Variants in ARHGEF28 observed in about 807,000 individuals in gnomAD.
The protein encoded by ARHGEF28 is 190 kDa guanine nucleotide exchange factor.
A neutral mutation model predicts 206.6 loss-of-function variants in ARHGEF28; 152 were observed. The ratio of observed to expected loss-of-function variants is 0.74; its 90% CI spans 0.64 to 0.84. The LOEUF (loss-of-function observed/expected upper bound fraction) is 0.84. Ranked by LOEUF, ARHGEF28 falls within the 40% of genes least tolerant of loss-of-function variation. The pLI is 0.00. For missense variants in ARHGEF28, 2,028 were observed against 2,073.2 expected, an observed-to-expected ratio of 0.98 and a Z score of 0.42; for synonymous variants, 763 against 776.4, an observed-to-expected ratio of 0.98 and a Z score of 0.29.
chr5:73,745,332 T>C (rs768185909), intron 2 of ARHGEF28, among the ~76,000 whole-genome samples: 59 of 152,174 alleles, frequency 3.9e-4, no homozygotes, highest in Non-Finnish European at 5.2e-4. Context: ...AAAAAATCTT[T>C]AGAACATGCA....
At chr5:73,833,273 T>A (rs960366813) in intron 10 of ARHGEF28, among the ~76,000 whole-genome samples, 1 of 152,230 alleles carries the variant, frequency 6.6e-6, no homozygotes, top group Non-Finnish European at 1.5e-5. Context: ...ATCTACTCAC[T>A]GAGCAGTAAG....
chr5:73,746,769 C>T (rs1580560561), intron 2 of ARHGEF28, among the ~76,000 whole-genome samples: 1 of 152,078 alleles, frequency 6.6e-6, no homozygotes, highest in East Asian at 1.9e-4. Flanking sequence ...ACATAATTTC[C>T]ATGGGTCCAT....
intron 14 of ARHGEF28, among the ~76,000 whole-genome samples, chr5:73,855,743 AAAAGTT>A (rs1318587913): frequency 1.3e-5 from 2 of 152,296 alleles, no homozygotes; most frequent in Non-Finnish European, 2.9e-5. Context: ...AAAAAAAAAA[AAAAGTT>A]AAAGTGTCGT....
At chr5:73,875,793 A>G (rs1440134378) in intron 22 of ARHGEF28, among the ~76,000 whole-genome samples, 2 of 152,116 alleles carry the variant, frequency 1.3e-5, no homozygotes, top group Non-Finnish European at 2.9e-5. Context: ...CTGTTTTGGT[A>G]CCAGTACCAT....
At chr5:73,731,818 A>T (rs1650392461) in intron 2 of ARHGEF28, among the ~76,000 whole-genome samples, 1 of 152,136 alleles carries the variant, frequency 6.6e-6, no homozygotes, top group South Asian at 2.1e-4. Flanking sequence ...TTTATTATGT[A>T]AACAGTTATT....
Position 73,887,637 on chromosome 5 carries a change from C to T in ARHGEF28, c.3345C>T (p.Leu1115=). Residue 1115 remains leucine, a synonymous_variant, in exon 26 of 36, where the codon CTC becomes CTT. Coordinates refer to ENST00000513042, the MANE Select transcript of ARHGEF28 (RefSeq NM_001177693.2). The part of the protein sequence containing the change: ...ILALLLTDVL[L]FLQEKDQKYI... ...CTCTACTTCTAACTGATGTGCTGCTCTTTTTACAAGAAAAAGACCAGAAAT... is the reference window on the plus strand; with the variant it reads ...CTCTACTTCTAACTGATGTGCTGCTTTTTTTACAAGAAAAAGACCAGAAAT... 1 of 1,573,852 alleles carries T rather than the reference C, an allele frequency of 6.4e-7. No individual in the cohort carries two copies. Among genetic ancestry groups the T allele is most frequent in the Non-Finnish European group, 8.6e-7 (1 of 1,158,068 alleles).
chr5:73,774,325 T>C (rs1230745042), intron 5 of ARHGEF28, among the ~76,000 whole-genome samples: 1 of 152,244 alleles, frequency 6.6e-6, no homozygotes, highest in African/African-American at 2.4e-5. Flanking sequence ...CAACCCCTTC[T>C]GTGTTATTCT....
chr5:73,929,905 T>C (rs1383673741), intron 35 of ARHGEF28, among the ~76,000 whole-genome samples: 2 of 152,210 alleles, frequency 1.3e-5, no homozygotes, highest in African/African-American at 4.8e-5. Flanking sequence ...GCTATTTAAA[T>C]ATATATGTAC....
intron 1 of ARHGEF28, among the ~76,000 whole-genome samples, chr5:73,661,907 C>T (rs1012927552): frequency 1.2e-4 from 19 of 152,076 alleles, no homozygotes; most frequent in South Asian, 4.2e-4. Flanking sequence ...CACAGAGACA[C>T]GAAGCGAGCA....
intron 31 of ARHGEF28, 111 bp from the exon 32 acceptor site, chr5:73,904,111 A>G (rs145409262): frequency 2.9e-6 from 3 of 1,037,724 alleles, no homozygotes; most frequent in Non-Finnish European, 2.9e-6. Flanking sequence ...AAGGTAATCA[A>G]GTTTAGAGAT....
intron 2 of ARHGEF28, among the ~76,000 whole-genome samples, chr5:73,733,305 C>T (rs1284628405): frequency 1.3e-5 from 2 of 152,226 alleles, no homozygotes; most frequent in African/African-American, 4.8e-5. Context: ...TTCATTATTA[C>T]ATTTGACTGT....
rs1376119827 is a variant in ARHGEF28, at chr5:73,911,667, C to T, written c.4948+92C>T. ...CTTGTGTAGAGTGAATCAAAGTCCT[C>T]CCTAGCATGGGAATAAATCGGTACT... On this transcript the variant is annotated intron_variant, in intron 35 of 35. Coordinates refer to ENST00000513042, the MANE Select transcript of ARHGEF28 (RefSeq NM_001177693.2). 3.9e-6 allele frequency: 5 copies of T among 1,290,450 alleles called. No homozygotes were observed. The East Asian group carries it at 7.6e-5, about 20-fold the overall frequency. 79.9% of individuals were successfully genotyped at this position (1,290,450 alleles called of 1,614,324 possible).
chr5:73,638,338 T>C (rs1290528760), intron 1 of ARHGEF28, among the ~76,000 whole-genome samples: 2 of 152,240 alleles, frequency 1.3e-5, no homozygotes, highest in Non-Finnish European at 2.9e-5. Flanking sequence ...AACTTAGTTA[T>C]ACATGTGTGA....
At chr5:73,696,566 T>A (rs1369942159) in intron 2 of ARHGEF28, among the ~76,000 whole-genome samples, 1 of 152,238 alleles carries the variant, frequency 6.6e-6, no homozygotes, top group South Asian at 2.1e-4. Flanking sequence ...TAAGCACCAA[T>A]ACAACAGAGA....
At chr5:73,811,726 T>C (rs949777678) in intron 9 of ARHGEF28, among the ~76,000 whole-genome samples, 4 of 152,238 alleles carry the variant, frequency 2.6e-5, no homozygotes, top group Non-Finnish European at 4.4e-5. Context: ...GGCTCACGCC[T>C]GTAATCAGCA....
intron 1 of ARHGEF28, among the ~76,000 whole-genome samples, chr5:73,656,981 T>C (rs1294180102): frequency 2.6e-5 from 4 of 151,908 alleles, no homozygotes. Flanking sequence ...CCATCCTGGC[T>C]AACATGGTGA....
intron 2 of ARHGEF28, among the ~76,000 whole-genome samples, chr5:73,700,031 A>G (rs925926218): frequency 6.6e-6 from 1 of 152,190 alleles, no homozygotes; most frequent in Non-Finnish European, 1.5e-5. Flanking sequence ...AATGTTTCCT[A>G]GGACTCACCC....
intron 1 of ARHGEF28, among the ~76,000 whole-genome samples, chr5:73,677,810 GT>G (rs1309642958): frequency 6.6e-6 from 1 of 152,130 alleles, no homozygotes; most frequent in Non-Finnish European, 1.5e-5. Flanking sequence ...AAATACTTTG[GT>G]TTTTTTATGT....
At chr5:73,766,163 A>AC (rs1484836962) in intron 4 of ARHGEF28, among the ~76,000 whole-genome samples, 1 of 150,044 alleles carries the variant, frequency 6.7e-6, no homozygotes, top group African/African-American at 2.4e-5. Context: ...CAAAAAAAAA[A>AC]AAACAAAAAA....
Sources: allele counts gnomAD v4.1 joint callset (sites outside exome capture counted in the v4.1 genomes callset), GRCh38; gene constraint gnomAD v4.1.1; transcripts MANE v1.5; gene names NCBI Gene and HGNC (gene_info 2026-07-23, HGNC 2026-07-21).